GABBR2: variants seen among roughly 807,000 people sequenced by gnomAD.
GABBR2 encodes gamma-aminobutyric acid type B receptor subunit 2, also known as G-protein coupled receptor 51.
Under a neutral mutation model 105.6 loss-of-function variants are expected in GABBR2, and 23 were observed. The ratio of observed to expected loss-of-function variants is 0.22; its 90% CI spans 0.16 to 0.31. GABBR2 has a LOEUF of 0.31. Ranked by LOEUF, GABBR2 falls within the 10% of genes least tolerant of loss-of-function variation. The pLI, the probability that GABBR2 is intolerant of heterozygous loss-of-function variation, is 1.00. For missense variants in GABBR2, 734 were observed against 1,245.5 expected (o/e 0.59, Z 6.18); for synonymous variants, 478 against 499.7 (o/e 0.96, Z 0.58).
At chr9:98,313,864 C>T (rs1830673782) in intron 13 of GABBR2, among the ~76,000 whole-genome samples, 2 of 152,078 alleles carry the variant, frequency 1.3e-5, no homozygotes, top group Admixed American at 6.5e-5. Context: ...ACCTTTGAAG[C>T]AGGCAATGGA....
intron 1 of GABBR2, among the ~76,000 whole-genome samples, chr9:98,598,762 G>A (rs1245415119): frequency 6.6e-6 from 1 of 152,042 alleles, no homozygotes; most frequent in African/African-American, 2.4e-5. Flanking sequence ...GGACCTAAAA[G>A]CTCATCCAGC....
intron 7 of GABBR2, among the ~76,000 whole-genome samples, chr9:98,408,319 A>T (rs994117962): frequency 6.6e-6 from 1 of 152,162 alleles, no homozygotes; most frequent in African/African-American, 2.4e-5. Flanking sequence ...CCGATGAGAG[A>T]AAGTAGAGGG....
At chr9:98,436,368 T>TCCATAA (rs1825919187) in intron 7 of GABBR2, among the ~76,000 whole-genome samples, 3 of 11,996 alleles carry the variant, frequency 2.5e-4, no homozygotes, top group Admixed American at 8.1e-4. Flanking sequence ...TATATATATA[T>TCCATAA]ATATATATAT....
chr9:98,511,734 A>G (rs1195558403), intron 3 of GABBR2, among the ~76,000 whole-genome samples: 1 of 152,236 alleles, frequency 6.6e-6, no homozygotes. Flanking sequence ...GAATAGACCA[A>G]TAACAGGCTC....
At chr9:98,427,774 C>T (rs1389791172) in intron 7 of GABBR2, among the ~76,000 whole-genome samples, 1 of 20,414 alleles carries the variant, frequency 4.9e-5, no homozygotes, top group African/African-American at 1.1e-4. Context: ...ATTACTCATG[C>T]TGGTGAAAGC....
At chr9:98,341,761 T>C (rs147749188) in intron 13 of GABBR2, among the ~76,000 whole-genome samples, 17 of 152,306 alleles carry the variant, frequency 1.1e-4, no homozygotes, top group East Asian at 3.9e-4. Flanking sequence ...TCCTTCGTAG[T>C]AGATGCTGAA....
intron 17 of GABBR2, 90 bp downstream of exon 17, chr9:98,299,134 C>T: frequency 2.7e-6 from 3 of 1,112,316 alleles, no homozygotes; most frequent in Non-Finnish European, 4.1e-6. Flanking sequence ...CCTGTCTGAG[C>T]CTCAGTTTCT....
chr9:98,552,797 T>C lies in GABBR2; in HGVS notation c.460-10754A>G, dbSNP rs114494736. Among the ~76,000 whole-genome samples, 484 of 152,290 alleles carry C rather than the reference T, an allele frequency of 3.2e-3. 3 individuals are homozygous for C. Among genetic ancestry groups the C allele is most frequent in the African/African-American group, 0.011 (455 of 41,560 alleles). ...CTCTTGGGGAACAATCATTTCTCCT[T>C]TCTGTTAATGAGGTTTAGTTTTTCA... On this transcript the variant is annotated intron_variant, in intron 2 of 18. Transcript: ENST00000259455.
chr9:98,301,059 G>A (rs966539113), intron 16 of GABBR2, among the ~76,000 whole-genome samples: 5 of 152,186 alleles, frequency 3.3e-5, no homozygotes, highest in African/African-American at 1.2e-4. Context: ...CTCGCTCTGT[G>A]CATCTCTTCA....
chr9:98,447,844 T>A lies in GABBR2; in HGVS notation c.1236+6137A>T, dbSNP rs1453292987. Among the ~76,000 whole-genome samples, 7 of 147,388 alleles carry A rather than the reference T, an allele frequency of 4.7e-5. No individual in the cohort carries two copies. In the East Asian group the frequency reaches 1.2e-3, roughly 26 times the overall value. ...GTGGGGTGGTGACTTGTCTAGGGGGTGGGGGGAGCATTTTTTGAGTCTTAG... is the reference window on the plus strand; with the variant it reads ...GTGGGGTGGTGACTTGTCTAGGGGGAGGGGGGAGCATTTTTTGAGTCTTAG... On this transcript the variant is annotated intron_variant, in intron 7 of 18. Coordinates refer to ENST00000259455, the MANE Select transcript of GABBR2 (RefSeq NM_005458.8).
intron 1 of GABBR2, among the ~76,000 whole-genome samples, chr9:98,630,871 T>C (rs1829807530): frequency 6.6e-6 from 1 of 152,228 alleles, no homozygotes; most frequent in South Asian, 2.1e-4. Flanking sequence ...GTCACTATTA[T>C]TTAAACTTAA....
intron 17 of GABBR2, among the ~76,000 whole-genome samples, chr9:98,297,611 C>G (rs987045557): frequency 1.3e-5 from 2 of 149,864 alleles, no homozygotes; most frequent in African/African-American, 4.9e-5. Flanking sequence ...GAAACCCCGT[C>G]TCAAAAAAAT....
chr9:98,672,533 G>T (rs1055528745), intron 1 of GABBR2, among the ~76,000 whole-genome samples: 2 of 152,228 alleles, frequency 1.3e-5, no homozygotes, highest in African/African-American at 4.8e-5. Flanking sequence ...CGTCTGAGTC[G>T]GTGCCTGTCT....
At chr9:98,339,585 G>A (rs550596337) in intron 13 of GABBR2, among the ~76,000 whole-genome samples, 1 of 152,292 alleles carries the variant, frequency 6.6e-6, no homozygotes, top group South Asian at 2.1e-4. Flanking sequence ...CAGAAGTGAT[G>A]GATTAGGATG....
chr9:98,295,274 T>C (rs543861152), intron 17 of GABBR2, among the ~76,000 whole-genome samples: 5 of 152,356 alleles, frequency 3.3e-5, no homozygotes, highest in African/African-American at 1.2e-4. Flanking sequence ...TTAGCTTTTA[T>C]ATTGTAAATA....
intron 1 of GABBR2, among the ~76,000 whole-genome samples, chr9:98,617,804 G>C (rs563454713): frequency 2.0e-4 from 30 of 152,322 alleles, no homozygotes; most frequent in Middle Eastern, 3.4e-3. Flanking sequence ...TGTGGAGTCA[G>C]AACAAGACCA....
chr9:98,603,565 C>G (rs1829372722), intron 1 of GABBR2, among the ~76,000 whole-genome samples: 1 of 152,104 alleles, frequency 6.6e-6, no homozygotes, highest in Non-Finnish European at 1.5e-5. Context: ...TTTTTGTCCT[C>G]CCTCAAGGGC....
intron 1 of GABBR2, among the ~76,000 whole-genome samples, chr9:98,593,794 G>C (rs1193770262): frequency 6.6e-6 from 1 of 152,138 alleles, no homozygotes; most frequent in Admixed American, 6.5e-5. Context: ...TCCTCACCCC[G>C]TCACCGTGGC....
intron 7 of GABBR2, among the ~76,000 whole-genome samples, chr9:98,448,591 A>AT (rs918983640): frequency 1.3e-5 from 2 of 151,874 alleles, no homozygotes; most frequent in African/African-American, 2.4e-5. Flanking sequence ...TAAATTTTGT[A>AT]TTTTTTTGTA....
Sources: gnomAD v4.1 joint callset for allele counts (sites outside exome capture counted in the v4.1 genomes callset) on GRCh38, gnomAD v4.1.1 for gene constraint, MANE v1.5 for transcripts, NCBI Gene and HGNC (gene_info 2026-07-23, HGNC 2026-07-21) for gene names.